PIBF1: variants seen among roughly 807,000 people sequenced by gnomAD.
PIBF1 encodes progesterone-induced-blocking factor 1.
In PIBF1, 90 loss-of-function variants were observed where a neutral mutation model predicts 112.5. The ratio of observed to expected loss-of-function variants is 0.80; its 90% confidence interval spans 0.67 to 0.95. The LOEUF is 0.95. Among genes scored for constraint, PIBF1 ranks in the 40% least tolerant of loss-of-function variants. PIBF1 has a pLI of 0.00. For synonymous variants in PIBF1, 301 were observed against 288.6 expected (o/e 1.04, Z -0.44); for missense variants, 915 against 852.3 (o/e 1.07, Z -0.92).
chr13:72,933,525 G>T (rs889177714), intron 14 of PIBF1, among the ~76,000 whole-genome samples: 1 of 152,174 alleles, frequency 6.6e-6, no homozygotes, highest in Non-Finnish European at 1.5e-5. Flanking sequence ...AGCTGGGCAT[G>T]ATGGCACATG....
intron 10 of PIBF1, among the ~76,000 whole-genome samples, chr13:72,855,226 C>G (rs1183616622): frequency 1.3e-5 from 2 of 152,106 alleles, no homozygotes; most frequent in African/African-American, 4.8e-5. Flanking sequence ...GGCAAGTCTT[C>G]ATATAATTAA....
Position 72,981,581 on chromosome 13 carries a change from TAGAA to T in PIBF1, c.2049+7910_2049+7913del, listed in dbSNP as rs558184484. ...TTCCCATCTAATGGATGTTTTCTAATAGAAAGAGATGTGGTACAGTCAGTGTTTT... is the reference window on the plus strand; with the variant it reads ...TTCCCATCTAATGGATGTTTTCTAATAGAGATGTGGTACAGTCAGTGTTTT... On this transcript the variant is annotated intron_variant, in intron 16 of 17. Coordinates refer to ENST00000326291, the MANE Select transcript of PIBF1 (RefSeq NM_006346.4). 8.5e-3 allele frequency among the ~76,000 whole-genome samples: 1,298 copies of T among 152,270 alleles called. 61 individuals are homozygous for T. Among genetic ancestry groups the T allele is most frequent in the East Asian group, 9.6e-3 (50 of 5,186 alleles).
intron 8 of PIBF1, among the ~76,000 whole-genome samples, chr13:72,829,418 C>T (rs2036989733): frequency 6.6e-6 from 1 of 152,132 alleles, no homozygotes; most frequent in African/African-American, 2.4e-5. Flanking sequence ...CTAGGTCTTA[C>T]ATTTAAGTCT....
At chr13:72,929,659 T>C (rs976859895) in intron 13 of PIBF1, among the ~76,000 whole-genome samples, 2 of 152,076 alleles carry the variant, frequency 1.3e-5, no homozygotes, top group Non-Finnish European at 2.9e-5. Context: ...TCAGTAAAAT[T>C]GTATGTCAGT....
intron 9 of PIBF1, among the ~76,000 whole-genome samples, chr13:72,848,404 A>G (rs1354614296): frequency 1.3e-5 from 2 of 152,204 alleles, no homozygotes; most frequent in Non-Finnish European, 2.9e-5. Flanking sequence ...ATGTTTTATA[A>G]TGAGGTTTTC....
intron 12 of PIBF1, among the ~76,000 whole-genome samples, chr13:72,909,476 G>A (rs1483099080): frequency 6.6e-6 from 1 of 151,654 alleles, no homozygotes; most frequent in Non-Finnish European, 1.5e-5. Context: ...AGATGACACT[G>A]CAATTAGTCT....
chr13:72,816,368 C>T (rs1391190194), intron 5 of PIBF1, among the ~76,000 whole-genome samples: 1 of 152,132 alleles, frequency 6.6e-6, no homozygotes, highest in Non-Finnish European at 1.5e-5. Flanking sequence ...TTTTGCTGGG[C>T]ATAGTGGCTC....
chr13:72,857,677 A>T (rs1280143188), intron 10 of PIBF1, among the ~76,000 whole-genome samples: 1 of 152,164 alleles, frequency 6.6e-6, no homozygotes, highest in Admixed American at 6.5e-5. Flanking sequence ...TGTCTCTACT[A>T]AAAATGCAAA....
chr13:72,821,805 T>TG (rs1468466863), intron 5 of PIBF1, 44 bp from the exon 6 acceptor site: 2 of 1,506,524 alleles, frequency 1.3e-6, no homozygotes, highest in African/African-American at 2.8e-5. Flanking sequence ...GCAACTATGT[T>TG]AAGTGTTTAG....
intron 4 of PIBF1, among the ~76,000 whole-genome samples, chr13:72,796,327 G>A (rs552147273): frequency 6.6e-6 from 1 of 152,194 alleles, no homozygotes; most frequent in South Asian, 2.1e-4. Context: ...GTGGCGAGTG[G>A]GGCAGAGTCC....
chr13:72,943,543 G>A (rs566043356), intron 14 of PIBF1, among the ~76,000 whole-genome samples: 1 of 152,268 alleles, frequency 6.6e-6, no homozygotes, highest in African/African-American at 2.4e-5. Context: ...TGTCAATCAT[G>A]ACTTATTTTT....
At chr13:73,009,944 C>A (rs988325495) in intron 17 of PIBF1, among the ~76,000 whole-genome samples, 6 of 152,130 alleles carry the variant, frequency 3.9e-5, no homozygotes, top group Non-Finnish European at 1.5e-5. Context: ...ATTAAGATTC[C>A]TTTTTAATGC....
At chr13:72,907,756 AT>A (rs1383552083) in intron 11 of PIBF1, among the ~76,000 whole-genome samples, 3 of 152,046 alleles carry the variant, frequency 2.0e-5, no homozygotes, top group Non-Finnish European at 2.9e-5. Context: ...CCACTCCATA[AT>A]TTAGTCTGTA....
intron 9 of PIBF1, among the ~76,000 whole-genome samples, chr13:72,849,480 A>G (rs2038031590): frequency 6.6e-6 from 1 of 152,232 alleles, no homozygotes. Context: ...AACATTTGAA[A>G]TGGATTACTT....
chr13:72,898,545 T>C (rs1380058003), intron 11 of PIBF1, among the ~76,000 whole-genome samples: 3 of 151,664 alleles, frequency 2.0e-5, no homozygotes, highest in African/African-American at 7.3e-5. Flanking sequence ...TAAATAAAAT[T>C]GATAGATCAG....
chr13:72,894,406 T>C (rs2040185215), intron 11 of PIBF1, among the ~76,000 whole-genome samples: 1 of 151,954 alleles, frequency 6.6e-6, no homozygotes, highest in Admixed American at 6.6e-5. Flanking sequence ...AGGAAAAACA[T>C]ACAGAATAGT....
intron 17 of PIBF1, among the ~76,000 whole-genome samples, chr13:73,011,066 T>TC (rs144254518): frequency 0.11 from 16,746 of 151,524 alleles, 1,221 homozygotes; most frequent in Non-Finnish European, 0.17. Context: ...CCTCAGGTGA[T>TC]CCCCCCCACC....
rs192582886 is a variant in PIBF1, at chr13:72,988,928, C to T, written c.2050-9894C>T. ...TGGCACACCCTTGTAATCCCAGGTA[C>T]TCAGGAGGCTGAGGCAGGAGAATCA... On this transcript the variant is annotated intron_variant, in intron 16 of 17. Coordinates refer to ENST00000326291, the MANE Select transcript of PIBF1 (RefSeq NM_006346.4). Among the ~76,000 whole-genome samples, 7 of 152,192 alleles carry T rather than the reference C, an allele frequency of 4.6e-5. No homozygotes were observed. In the East Asian group the frequency reaches 1.4e-3, roughly 29 times the overall value.
chr13:72,917,076 T>G lies in PIBF1; in HGVS notation c.1640T>G (p.Ile547Ser), dbSNP rs540259662. The change falls in exon 13 of 18, where the codon ATT (isoleucine) becomes AGT (serine). Residue 547 changes from isoleucine to serine, a missense_variant and splice_region_variant. Physicochemically the swap from Ile to Ser is moderately radical, Grantham distance 142. Transcript: ENST00000326291. ...CATTATACACTTTAATATTTTCCAG[T>G]TGAAAATGAAGATGAGGCTGAAAGG... is the stretch of plus-strand genomic sequence containing the variant. ...LDEIIMQTAE[I>S]ENEDEAERVL... is the part of the protein sequence containing the mutation. 4 of 1,569,298 alleles carry G rather than the reference T, an allele frequency of 2.5e-6. No homozygotes were observed. The African/African-American group carries it at 5.5e-5, about 21-fold the overall frequency.
Sources: allele counts gnomAD v4.1 joint callset (sites outside exome capture counted in the v4.1 genomes callset), GRCh38; gene constraint gnomAD v4.1.1; transcripts MANE v1.5; gene names NCBI Gene and HGNC (gene_info 2026-07-23, HGNC 2026-07-21).